DIAPH1: variants seen among roughly 807,000 people sequenced by gnomAD.
DIAPH1 encodes protein diaphanous homolog 1.
A neutral mutation model predicts 140.7 loss-of-function variants in DIAPH1; 46 were observed. The observed-to-expected ratio is 0.33, with a 90% CI of 0.26 to 0.42. DIAPH1 has a LOEUF of 0.42. Among genes scored for constraint, DIAPH1 ranks in the 10% least tolerant of loss-of-function variants. The pLI is 1.00. For missense variants in DIAPH1, 1,310 were observed against 1,558.7 expected (o/e 0.84, Z 2.69); for synonymous variants, 565 against 551.6 (o/e 1.02, Z -0.34).
chr5:141,540,110 T>A (rs1216018898), intron 18 of DIAPH1, among the ~76,000 whole-genome samples: 1 of 151,936 alleles, frequency 6.6e-6, no homozygotes, highest in African/African-American at 2.4e-5. Flanking sequence ...TCATAAGGCA[T>A]AAGGTTGTTT....
rs372252936 is a variant in DIAPH1 at position 141,519,552 on chromosome 5, A to G, written c.3662-2544T>C. 2.0e-5 allele frequency among the ~76,000 whole-genome samples: 3 copies of G among 152,344 alleles called. No individual in the cohort carries two copies. The East Asian group carries it at 5.8e-4, about 29-fold the overall frequency. On this transcript the variant is annotated intron_variant, in intron 27 of 27. Coordinates refer to ENST00000389054, the MANE Select transcript of DIAPH1 (RefSeq NM_005219.5). ...TTCTGTGGTTTCTTCCTCCAAAATA[A>G]GAAGATACCAGTTGTACCTAACCAA...
chr5:141,569,074 AG>A (rs1270383369), intron 18 of DIAPH1, among the ~76,000 whole-genome samples: 1 of 151,958 alleles, frequency 6.6e-6, no homozygotes, highest in Non-Finnish European at 1.5e-5. Context: ...TGCCAATTCA[AG>A]GACATTTGCG....
chr5:141,578,086 CT>C, intron 11 of DIAPH1, 138 bp downstream of exon 11: 1 of 780,376 alleles, frequency 1.3e-6, no homozygotes, highest in Non-Finnish European at 2.3e-6. Context: ...AAAAATACAC[CT>C]GCCTTATTTA....
At position 141,560,197 on chromosome 5, in the gene DIAPH1, A is replaced by G. The variant is rs777718811; in HGVS notation, c.2482+11231T>C. Among the ~76,000 whole-genome samples, 8 of 152,178 alleles carry G rather than the reference A, an allele frequency of 5.3e-5. 1 individual carries two copies. The highest frequency in any genetic ancestry group is 1.9e-4 in the African/African-American group (8 of 41,442). On this transcript the variant is annotated intron_variant, in intron 18 of 27. Transcript: ENST00000389054. ...AAAATTTAAAATTCCCTCTTAATCT[A>G]TATGTTCCTCTCCATCTCATTTTTT...
intron 1 of DIAPH1, among the ~76,000 whole-genome samples, chr5:141,598,781 C>A (rs2099899707): frequency 6.6e-6 from 1 of 152,170 alleles, no homozygotes; most frequent in African/African-American, 2.4e-5. Context: ...GTTTGAAACA[C>A]CCTGATTAAT....
chr5:141,518,806 G>A (rs1457304652), intron 27 of DIAPH1: 1 of 816,134 alleles, frequency 1.2e-6, no homozygotes, highest in Admixed American at 2.1e-5. Flanking sequence ...ACAAGCATGA[G>A]TCACCACAGC....
intron 1 of DIAPH1, among the ~76,000 whole-genome samples, chr5:141,617,046 C>G (rs2099902796): frequency 6.6e-6 from 1 of 152,112 alleles, no homozygotes; most frequent in African/African-American, 2.4e-5. Flanking sequence ...GACATGAAAA[C>G]AAGTCACTGA....
At chr5:141,530,490 G>C (rs1478603586) in intron 19 of DIAPH1, among the ~76,000 whole-genome samples, 1 of 152,162 alleles carries the variant, frequency 6.6e-6, no homozygotes, top group Non-Finnish European at 1.5e-5. Context: ...GGCTGATGCG[G>C]ACTGGAGTCT....
intron 18 of DIAPH1, among the ~76,000 whole-genome samples, chr5:141,550,112 G>T (rs2099891461): frequency 6.6e-6 from 1 of 151,882 alleles, no homozygotes; most frequent in Admixed American, 6.6e-5. Context: ...ACAAAAAGCA[G>T]TATAAAAGAT....
chr5:141,526,547 TGG>T, intron 24 of DIAPH1, 86 bp from the exon 25 acceptor site: 1 of 1,537,954 alleles, frequency 6.5e-7, no homozygotes, highest in South Asian at 1.1e-5. Context: ...AGATGAGTAC[TGG>T]CATGCAAAGG....
intron 1 of DIAPH1, among the ~76,000 whole-genome samples, 199 bp from the exon 2 acceptor site, chr5:141,588,449 C>T (rs1410594481): frequency 7.1e-6 from 1 of 141,512 alleles, no homozygotes; most frequent in African/African-American, 2.6e-5. Context: ...GTTTGAAGGT[C>T]ACTAACATAT....
intron 1 of DIAPH1, among the ~76,000 whole-genome samples, chr5:141,601,237 A>T (rs1461182405): frequency 6.6e-6 from 1 of 151,472 alleles, no homozygotes; most frequent in Non-Finnish European, 1.5e-5. Context: ...AAATAAAAAT[A>T]AAAAATAAAA....
At chr5:141,564,009 G>A (rs1317401408) in intron 18 of DIAPH1, 1 of 152,156 alleles carries the variant, frequency 6.6e-6, no homozygotes, top group Non-Finnish European at 1.5e-5. Context: ...GATTATGAGT[G>A]TGTATATAAT....
chr5:141,607,169 CAGA>C (rs1287470208), intron 1 of DIAPH1, among the ~76,000 whole-genome samples: 2 of 152,042 alleles, frequency 1.3e-5, no homozygotes, highest in South Asian at 2.1e-4. Flanking sequence ...TCAAGAAAGA[CAGA>C]AGAATACTTC....
chr5:141,567,156 G>C (rs1311421767), intron 18 of DIAPH1, among the ~76,000 whole-genome samples: 2 of 152,140 alleles, frequency 1.3e-5, no homozygotes, highest in African/African-American at 2.4e-5. Flanking sequence ...GGGGCTGCCT[G>C]TGGTAAGTGA....
At chr5:141,594,163 AC>A (rs757031851) in intron 1 of DIAPH1, among the ~76,000 whole-genome samples, 31 of 152,210 alleles carry the variant, frequency 2.0e-4, no homozygotes, top group Non-Finnish European at 3.7e-4. Flanking sequence ...GAAGAGTTTC[AC>A]AGTTTCTTAT....
intron 18 of DIAPH1, among the ~76,000 whole-genome samples, chr5:141,550,197 T>G (rs1262684894): frequency 1.3e-5 from 2 of 152,194 alleles, no homozygotes; most frequent in Non-Finnish European, 2.9e-5. Flanking sequence ...TAAATTTGTA[T>G]GTACCTAATA....
chr5:141,595,257 G>A (rs1237442139), intron 1 of DIAPH1, among the ~76,000 whole-genome samples: 2 of 152,134 alleles, frequency 1.3e-5, no homozygotes, highest in Non-Finnish European at 2.9e-5. Flanking sequence ...TATAGTGATG[G>A]ATATATGTCA....
At chr5:141,540,081 C>A (rs1214178755) in intron 18 of DIAPH1, among the ~76,000 whole-genome samples, 1 of 151,930 alleles carries the variant, frequency 6.6e-6, no homozygotes, top group East Asian at 1.9e-4. Context: ...TACCCTCTAA[C>A]CAGTGCTTTC....
Sources: gnomAD v4.1 joint callset for allele counts (sites outside exome capture counted in the v4.1 genomes callset) on GRCh38, gnomAD v4.1.1 for gene constraint, MANE v1.5 for transcripts, NCBI Gene and HGNC (gene_info 2026-07-23, HGNC 2026-07-21) for gene names.